Variants in IFNAR2 observed in about 807,000 individuals in gnomAD.
The protein encoded by IFNAR2 is interferon alpha/beta receptor 2.
A neutral mutation model predicts 49.4 loss-of-function variants in IFNAR2; 30 were observed. That is an observed-to-expected ratio of 0.61 (90% CI 0.45 to 0.82). IFNAR2 has a LOEUF of 0.82. Ranked by LOEUF, IFNAR2 falls within the 40% of genes least tolerant of loss-of-function variation. IFNAR2 has a pLI of 0.00. For synonymous variants in IFNAR2, 224 were observed against 234.5 expected (o/e 0.96, Z 0.41); for missense variants, 600 against 622.7 (o/e 0.96, Z 0.39).
intron 4 of IFNAR2, 24 bp downstream of exon 4, chr21:33,245,098 C>T (rs1191000199): frequency 6.5e-7 from 1 of 1,546,252 alleles, no homozygotes; most frequent in Non-Finnish European, 8.9e-7. Context: ...TTCATTTTCT[C>T]TTGGTAAACA....
Position 33,230,012 on chromosome 21 carries a change from C to T in IFNAR2, c.-288C>T. 1 of 985,032 alleles carries T rather than the reference C, an allele frequency of 1.0e-6. No homozygotes were observed. Among genetic ancestry groups the T allele is most frequent in the Non-Finnish European group, 1.2e-6 (1 of 829,732 alleles). 61.0% of individuals were successfully genotyped at this position (985,032 alleles called of 1,614,324 possible). ...CGCTTCTTCCCGGCGGGTAGGAATC[C>T]CGCCGGCGAGCCGAACAGTTCCCCG... On this transcript the variant is annotated 5_prime_UTR_variant, in exon 1 of 9. Transcript: ENST00000342136. The surrounding 1 kb of genome is among the most constrained non-coding windows in gnomAD (Gnocchi z 5.5).
intron 2 of IFNAR2, among the ~76,000 whole-genome samples, chr21:33,243,392 T>A (rs2123473406): frequency 6.6e-6 from 1 of 152,254 alleles, no homozygotes; most frequent in Middle Eastern, 3.4e-3. Context: ...CCCAGATATA[T>A]TTTTAAGTGG....
chr21:33,249,259 G>A (rs915640424), intron 6 of IFNAR2, among the ~76,000 whole-genome samples: 3 of 149,798 alleles, frequency 2.0e-5, no homozygotes, highest in Non-Finnish European at 4.4e-5. Flanking sequence ...CAGGATAATC[G>A]CTTGAACCTA....
chr21:33,236,934 A>G, intron 1 of IFNAR2: 2 of 948,202 alleles, frequency 2.1e-6, no homozygotes, highest in South Asian at 9.7e-5. Flanking sequence ...GAGCTCCATT[A>G]ACAATTTAGG....
intron 6 of IFNAR2, among the ~76,000 whole-genome samples, chr21:33,249,254 T>A (rs962337138): frequency 6.8e-6 from 1 of 147,312 alleles, no homozygotes; most frequent in Non-Finnish European, 1.5e-5. Flanking sequence ...TGAGGCAGGA[T>A]AATCGCTTGA....
chr21:33,231,554 C>A (rs1279781638), intron 1 of IFNAR2, among the ~76,000 whole-genome samples: 1 of 152,114 alleles, frequency 6.6e-6, no homozygotes, highest in Non-Finnish European at 1.5e-5. Context: ...AGGATCATAA[C>A]CCTAGAGGTA....
chr21:33,260,467 A>C, intron 7 of IFNAR2, 130 bp from the exon 8 acceptor site: 1 of 730,494 alleles, frequency 1.4e-6, no homozygotes. Context: ...GTATTTCTCA[A>C]TATAAAACTG....
rs747605798 is a variant in IFNAR2, at chr21:33,252,764, A to G, written c.643A>G (p.Ser215Gly). The change falls in exon 7 of 9, where the codon AGT becomes GGT. Residue 215 changes from serine to glycine, a missense_variant. Coordinates refer to ENST00000342136, the MANE Select transcript of IFNAR2 (RefSeq NM_001289125.3). ...NYCVSVYLEH[S>G]DEQAVIKSPL... ...CTGTGTATCTGTTTATTTAGAGCAC[A>G]GTGATGAGCAAGCAGTAATAAAGTC... 7.4e-6 allele frequency: 12 copies of G among 1,613,920 alleles called. No individual in the cohort carries two copies. In the African/African-American group the frequency reaches 1.2e-4, roughly 16 times the overall value.
chr21:33,261,460 C>A (rs915507314), intron 8 of IFNAR2, among the ~76,000 whole-genome samples: 1 of 152,096 alleles, frequency 6.6e-6, no homozygotes, highest in Non-Finnish European at 1.5e-5. Flanking sequence ...ATTTGGATTT[C>A]TTTTCCTTTT....
chr21:33,254,776 T>C (rs1400867944), intron 7 of IFNAR2, among the ~76,000 whole-genome samples: 1 of 152,174 alleles, frequency 6.6e-6, no homozygotes, highest in East Asian at 1.9e-4. Context: ...CTTACATGCA[T>C]TGATTGATGC....
At chr21:33,241,449 A>G (rs1476069975) in intron 1 of IFNAR2, among the ~76,000 whole-genome samples, 1 of 152,202 alleles carries the variant, frequency 6.6e-6, no homozygotes, top group African/African-American at 2.4e-5. Context: ...AAGGATAGAA[A>G]GATCTTCCAA....
intron 7 of IFNAR2, among the ~76,000 whole-genome samples, chr21:33,258,099 G>A (rs1988333009): frequency 6.6e-6 from 1 of 152,176 alleles, no homozygotes; most frequent in Non-Finnish European, 1.5e-5. Context: ...GAGGTCAGGA[G>A]TTCGAGTTCA....
intron 7 of IFNAR2, 81 bp downstream of exon 7, chr21:33,252,911 G>A (rs778810850): frequency 7.8e-6 from 9 of 1,156,116 alleles, no homozygotes; most frequent in Non-Finnish European, 1.2e-5. Flanking sequence ...AAAAGAATCT[G>A]AAAAGAATTC....
chr21:33,263,489 A>AT lies in IFNAR2; in HGVS notation c.1538dup (p.Met514AsnfsTer115), dbSNP rs1340910940. 14 of 1,608,172 alleles carry AT rather than the reference A, an allele frequency of 8.7e-6. No individual in the cohort carries two copies. Among genetic ancestry groups the AT allele is most frequent in the Non-Finnish European group, 1.2e-5 (14 of 1,177,078 alleles). On this transcript the variant is annotated frameshift_variant, in exon 9 of 9. Coordinates refer to ENST00000342136, the MANE Select transcript of IFNAR2 (RefSeq NM_001289125.3). LOFTEE classifies it high-confidence loss of function. ...AGATGTTGACCTTGGGGATGGTTAT[A>AT]TAATGAGATGACTCCAAAACTATTG...
Position 33,263,170 on chromosome 21 carries a change from T to A in IFNAR2, c.1218T>A (p.Phe406Leu). The A allele has an allele frequency of 6.2e-7, 1 of 1,614,108 alleles. No individual in the cohort carries two copies. The highest frequency in any genetic ancestry group is 8.5e-7 in the Non-Finnish European group (1 of 1,179,992). Residue 406 changes from phenylalanine (F) to leucine (L), a missense_variant, in exon 9 of 9, where the codon TTT becomes TTA. Physicochemically the swap from Phe to Leu is conservative, Grantham distance 22. Transcript: ENST00000342136. ...GAAAGAGTCCACTCCAGGACCCTTT[T>A]CCCGAAGAGGACTACAGCTCCACGG... ...ERRKSPLQDP[F>L]PEEDYSSTEG...
rs1006215666 is a variant in IFNAR2, at chr21:33,250,386, G to A, written c.540+1532G>A. ...TAAGAGGAAAAACTGTAGTTAATAG[G>A]CATCTTCTTCATAAGGAAAATTAGC... On this transcript the variant is annotated intron_variant, in intron 6 of 8. Transcript: ENST00000342136. Among the ~76,000 whole-genome samples, 5 of 152,188 alleles carry A rather than the reference G, an allele frequency of 3.3e-5. No homozygotes were observed. In the South Asian group the frequency reaches 6.2e-4, roughly 19 times the overall value.
At chr21:33,251,801 G>A in intron 6 of IFNAR2, 1 of 984,070 alleles carries the variant, frequency 1.0e-6, no homozygotes, top group African/African-American at 1.7e-5. Context: ...AAAGGGAGAT[G>A]GCTGGGCACA....
chr21:33,250,154 T>G (rs1308229720), intron 6 of IFNAR2, among the ~76,000 whole-genome samples: 5 of 152,138 alleles, frequency 3.3e-5, no homozygotes, highest in Non-Finnish European at 7.4e-5. Context: ...TCTTTTAATA[T>G]CGACATGGAT....
intron 6 of IFNAR2, among the ~76,000 whole-genome samples, chr21:33,251,171 A>G (rs149040315): frequency 2.2e-4 from 33 of 152,278 alleles, no homozygotes; most frequent in African/African-American, 6.3e-4. Flanking sequence ...GAACATTCCA[A>G]AATTTGGAGA....
Sources: allele counts gnomAD v4.1 joint callset (sites outside exome capture counted in the v4.1 genomes callset), GRCh38; gene constraint gnomAD v4.1.1; non-coding constraint Gnocchi (gnomAD v3.1); transcripts MANE v1.5; gene names NCBI Gene and HGNC (gene_info 2026-07-23, HGNC 2026-07-21).